TOP6BL: variants seen among roughly 807,000 people sequenced by gnomAD.
TOP6BL encodes the protein type 2 DNA topoisomerase 6 subunit B-like.
At chr11:66,828,583 T>C in the TOP6BL span, 2 of 489,704 alleles carry the variant, frequency 4.1e-6, no homozygotes, top group Admixed American at 6.6e-5. Flanking sequence ...CGTTGTTTCA[T>C]GTGTTGTATC....
chr11:66,821,909 A>G, the TOP6BL span: 2 of 1,015,626 alleles, frequency 2.0e-6, no homozygotes, highest in Non-Finnish European at 2.8e-6. Context: ...GTAACACTGC[A>G]TCTAGCCTAC....
the TOP6BL span, among the ~76,000 whole-genome samples, chr11:66,793,672 C>T: frequency 6.6e-6 from 1 of 151,938 alleles, no homozygotes; most frequent in Non-Finnish European, 1.5e-5. Flanking sequence ...TCTTGAACTC[C>T]TGACCTCAGG....
At chr11:66,771,333 G>A in the TOP6BL span, 1 of 151,332 alleles carries the variant, frequency 6.6e-6, no homozygotes, top group Admixed American at 6.6e-5. Flanking sequence ...TTAAATTTGA[G>A]GCTGGGCGTG....
At chr11:66,791,985 T>C in the TOP6BL span, among the ~76,000 whole-genome samples, 1 of 152,074 alleles carries the variant, frequency 6.6e-6, no homozygotes, top group Non-Finnish European at 1.5e-5. Flanking sequence ...GCCTGGCTAA[T>C]TTTTTATATT....
At chr11:66,761,374 A>G in the TOP6BL span, among the ~76,000 whole-genome samples, 1 of 152,096 alleles carries the variant, frequency 6.6e-6, no homozygotes, top group African/African-American at 2.4e-5. Flanking sequence ...CTCCGTCTCA[A>G]AAAAAAAGAA....
chr11:66,765,675 C>G, the TOP6BL span, among the ~76,000 whole-genome samples: 2 of 152,134 alleles, frequency 1.3e-5, no homozygotes, highest in African/African-American at 4.8e-5. Flanking sequence ...GCCACCACGG[C>G]CAGCTAATTT....
the TOP6BL span, among the ~76,000 whole-genome samples, chr11:66,799,043 C>T: frequency 6.6e-6 from 1 of 151,746 alleles, no homozygotes; most frequent in Admixed American, 6.6e-5. Context: ...CCCGTCTCTA[C>T]TAAAAATACA....
chr11:66,804,213 CA>C, the TOP6BL span: 1 of 1,567,106 alleles, frequency 6.4e-7, no homozygotes, highest in East Asian at 2.3e-5. Flanking sequence ...TGAAAAGTTC[CA>C]TCCAATTATC....
the TOP6BL span, chr11:66,748,486 C>G: frequency 6.5e-7 from 1 of 1,548,016 alleles, no homozygotes; most frequent in Admixed American, 2.0e-5. Context: ...ATTCTAAGCA[C>G]CAGGCAAATG....
At chr11:66,745,793 GGTTTGTTTGTTT>G in the TOP6BL span, among the ~76,000 whole-genome samples, 811 of 151,334 alleles carry the variant, frequency 5.4e-3, 4 homozygotes, top group African/African-American at 0.018. Context: ...ATATCTTTAG[GGTTTGTTTGTTT>G]GTTTGTTTGT....
chr11:66,799,918 A>G, the TOP6BL span, among the ~76,000 whole-genome samples: 1 of 151,852 alleles, frequency 6.6e-6, no homozygotes, highest in Non-Finnish European at 1.5e-5. Context: ...TGTCTCTACA[A>G]AAAAATGCAA....
At chr11:66,831,347 A>G in the TOP6BL span, among the ~76,000 whole-genome samples, 4 of 152,232 alleles carry the variant, frequency 2.6e-5, no homozygotes, top group Non-Finnish European at 5.9e-5. Flanking sequence ...AAAATGAGAA[A>G]CAACCCAGTA....
the TOP6BL span, chr11:66,801,157 C>T: frequency 5.7e-5 from 87 of 1,538,966 alleles, no homozygotes; most frequent in Middle Eastern, 1.7e-4. Flanking sequence ...CTCTCGAGTA[C>T]GAATGTGGGT....
At chr11:66,819,388 C>A in the TOP6BL span, among the ~76,000 whole-genome samples, 7 of 152,122 alleles carry the variant, frequency 4.6e-5, no homozygotes, top group African/African-American at 1.7e-4. Context: ...TGAAGCTGTT[C>A]TTAAAACCAA....
the TOP6BL span, among the ~76,000 whole-genome samples, chr11:66,775,697 G>A: frequency 8.5e-5 from 13 of 152,088 alleles, no homozygotes; most frequent in Admixed American, 8.5e-4. Context: ...CTCTTAACTG[G>A]CTTCTGGAGT....
the TOP6BL span, among the ~76,000 whole-genome samples, chr11:66,840,126 C>T: frequency 3.9e-5 from 6 of 152,280 alleles, no homozygotes; most frequent in African/African-American, 1.4e-4. Context: ...CATTCTACGC[C>T]TCACATGGGC....
the TOP6BL span, among the ~76,000 whole-genome samples, chr11:66,781,014 A>G: frequency 6.6e-6 from 1 of 152,044 alleles, no homozygotes; most frequent in Admixed American, 6.6e-5. Context: ...TTTGACTATT[A>G]TATACCTAGG....
At chr11:66,842,888 G>T in the TOP6BL span, 1 of 1,574,706 alleles carries the variant, frequency 6.4e-7, no homozygotes, top group Non-Finnish European at 8.6e-7. Flanking sequence ...CTCAAGAGGG[G>T]CAGCCCCCGC....
At chr11:66,753,773 C>T in the TOP6BL span, among the ~76,000 whole-genome samples, 40 of 151,878 alleles carry the variant, frequency 2.6e-4, 1 homozygote, top group African/African-American at 8.0e-4. Context: ...GGCATGATCT[C>T]GGCTCACTGC....
Sources: gnomAD v4.1 joint callset for allele counts (sites outside exome capture counted in the v4.1 genomes callset) on GRCh38, gnomAD v4.1.1 for gene constraint, MANE v1.5 for transcripts, NCBI Gene and HGNC (gene_info 2026-07-23, HGNC 2026-07-21) for gene names.